The following BICD2 variants were observed in gnomAD, a reference collection of about 807,000 sequenced individuals.
The protein encoded by BICD2 is BICD cargo adaptor 2.
In BICD2, 25 loss-of-function variants were observed where a neutral mutation model predicts 72.9. That is an observed-to-expected ratio of 0.34 (90% CI 0.25 to 0.48). The LOEUF (loss-of-function observed/expected upper bound fraction) is 0.48. Ranked by LOEUF, BICD2 falls within the 20% of genes least tolerant of loss-of-function variation. The pLI, the probability that BICD2 is intolerant of heterozygous loss-of-function variation, is 0.99. For missense variants in BICD2, 894 were observed against 1,175.2 expected (o/e 0.76, Z 3.50); for synonymous variants, 501 against 516.1 (o/e 0.97, Z 0.40).
chr9:92,713,586 C>G lies in BICD2; in HGVS notation c.*1568G>C. On this transcript the variant is annotated 3_prime_UTR_variant, in exon 7 of 7. Coordinates refer to ENST00000356884, the MANE Select transcript of BICD2 (RefSeq NM_001003800.2). ...GTTAGTTGGCAGAAGAGAAGACCTG[C>G]ATGTGTTAGCAGGGGTCCCAGTGGC... is the stretch of plus-strand genomic sequence containing the variant. 2 of 1,537,070 alleles carry G rather than the reference C, an allele frequency of 1.3e-6. No homozygotes were observed. The highest frequency in any genetic ancestry group is 4.9e-5 in the East Asian group (2 of 40,592).
chr9:92,752,334 TA>T (rs75607850), intron 1 of BICD2, among the ~76,000 whole-genome samples: 41,112 of 144,382 alleles, frequency 0.28, 6,632 homozygotes, highest in East Asian at 0.76. Flanking sequence ...GGAAGCACTT[TA>T]AAAAAAAAAA....
At position 92,720,441 on chromosome 9, in the gene BICD2, G is replaced by A; in HGVS notation, c.921C>T (p.Gly307=). 6.2e-7 allele frequency: 1 copy of A among 1,614,196 alleles called. No homozygotes were observed. Among genetic ancestry groups the A allele is most frequent in the South Asian group, 1.1e-5 (1 of 91,088 alleles). The change falls in exon 4 of 7, where the codon GGC becomes GGT. Residue 307 remains glycine (G), a synonymous_variant. Coordinates refer to ENST00000356884, the MANE Select transcript of BICD2 (RefSeq NM_001003800.2). The surrounding 1 kb of genome is among the most constrained non-coding windows in gnomAD (Gnocchi z 5.4). ...TGTTGTCCAGTGGCAGCTTGGCCAG[G>A]CCGCCGTGCTCAAAGCCATTGACCA... is the stretch of plus-strand genomic sequence containing the variant. ...EALVNGFEHG[G]LAKLPLDNKT... is the part of the protein sequence containing the mutation.
chr9:92,723,670 C>A (rs1421857326), intron 2 of BICD2, among the ~76,000 whole-genome samples: 1 of 152,202 alleles, frequency 6.6e-6, no homozygotes, highest in Non-Finnish European at 1.5e-5. Context: ...CTGAGTTGTA[C>A]ACCTTATGTG....
intron 1 of BICD2, among the ~76,000 whole-genome samples, chr9:92,743,181 G>A (rs917836107): frequency 6.6e-6 from 1 of 151,968 alleles, no homozygotes; most frequent in Admixed American, 6.6e-5. Context: ...GTGGATATGA[G>A]ATCTCTTCCC....
In BICD2 at chr9:92,757,312, C is replaced by CAA. The variant is rs1169381290; in HGVS notation, c.240+7191_240+7192dup. 7.3e-3 allele frequency among the ~76,000 whole-genome samples: 383 copies of CAA among 52,704 alleles called. 30 individuals are homozygous for CAA. Among genetic ancestry groups the CAA allele is most frequent in the African/African-American group, 0.032 (349 of 11,062 alleles). 34.6% of individuals were successfully genotyped at this position (52,704 alleles called of 152,430 possible). On this transcript the variant is annotated intron_variant, in intron 1 of 6. Transcript: ENST00000356884. ...CTGGGCGACAGAACGAGACTGTCTCCAAAAAAAAAAAAAAAAAAAAAAAAA... is the reference window on the plus strand; with the variant it reads ...CTGGGCGACAGAACGAGACTGTCTCCAAAAAAAAAAAAAAAAAAAAAAAAAAA...
At chr9:92,715,489 G>C in intron 6 of BICD2, 26 bp from the exon 7 acceptor site, 2 of 1,557,422 alleles carry the variant, frequency 1.3e-6, no homozygotes, top group Non-Finnish European at 1.7e-6. Context: ...ACATGACTGA[G>C]GGGCGGGCAG....
At position 92,742,977 on chromosome 9, in the gene BICD2, T is replaced by A. The variant is rs1435227122; in HGVS notation, c.241-13741A>T. On this transcript the variant is annotated intron_variant, in intron 1 of 6. Coordinates refer to ENST00000356884, the MANE Select transcript of BICD2 (RefSeq NM_001003800.2). ...TTCATCATTTGACAGACACTTGGGT[T>A]GTTTCCACTTTTAGGCTATTATAAG... Among the ~76,000 whole-genome samples the A allele has an allele frequency of 2.3e-4, 35 of 152,254 alleles. 1 individual carries two copies. The highest frequency in any genetic ancestry group is 7.3e-5 in the Non-Finnish European group (5 of 68,054).
intron 2 of BICD2, among the ~76,000 whole-genome samples, chr9:92,724,692 G>T (rs570688325): frequency 2.6e-5 from 4 of 152,190 alleles, no homozygotes; most frequent in Non-Finnish European, 4.4e-5. Context: ...GGCTACACGG[G>T]GGGTGGATAG....
At chr9:92,731,796 G>C (rs1404161196) in intron 1 of BICD2, among the ~76,000 whole-genome samples, 1 of 152,194 alleles carries the variant, frequency 6.6e-6, no homozygotes, top group Non-Finnish European at 1.5e-5. Flanking sequence ...GGACCACTGA[G>C]GGGGCAGAGA....
intron 2 of BICD2, among the ~76,000 whole-genome samples, chr9:92,726,720 G>T (rs906531038): frequency 6.6e-6 from 1 of 152,088 alleles, no homozygotes; most frequent in Non-Finnish European, 1.5e-5. Context: ...ACCAAGGTGG[G>T]GACCCTCAGG....
In BICD2 at chr9:92,719,076, G is replaced by A. The variant is rs1587668828; in HGVS notation, c.1569C>T (p.Ala523=). The A allele has an allele frequency of 6.2e-7, 1 of 1,613,016 alleles. No homozygotes were observed. Among genetic ancestry groups the A allele is most frequent in the Non-Finnish European group, 8.5e-7 (1 of 1,179,966 alleles). The part of the protein sequence containing the change: ...AGETQGSLSV[A]QDELVTFSEE... ...CACTGAAGGTCACCAGCTCATCCTG[G>A]GCCACACTCAGGCTGCCCTGTGTCT... The change falls in exon 5 of 7, where the codon GCC becomes GCT. Residue 523 remains alanine (A), a synonymous_variant. Transcript: ENST00000356884.
chr9:92,753,264 G>A (rs934601833), intron 1 of BICD2, among the ~76,000 whole-genome samples: 1 of 152,184 alleles, frequency 6.6e-6, no homozygotes, highest in Non-Finnish European at 1.5e-5. Flanking sequence ...ACAACTAAAT[G>A]TAATGTGATA....
At position 92,764,523 on chromosome 9, in the gene BICD2, C is replaced by T. The variant is rs138918080; in HGVS notation, c.222G>A (p.Glu74=). The change falls in exon 1 of 7, where the codon GAG becomes GAA. Residue 74 remains glutamate (E), a synonymous_variant. Coordinates refer to ENST00000356884, the MANE Select transcript of BICD2 (RefSeq NM_001003800.2). This position sits in a 1 kb window ranked among gnomAD's most constrained non-coding sequence, Gnocchi z 5.5. ...GGCTCACCTCCTTGAGCTGCTCCAT[C>T]TCGCTGCGGATAGCCTCATAGTCCA... ...LEVDYEAIRS[E]MEQLKEAFGQ... The T allele has an allele frequency of 6.5e-7, 1 of 1,536,428 alleles. No homozygotes were observed. The highest frequency in any genetic ancestry group is 1.4e-5 in the African/African-American group (1 of 71,630).
chr9:92,733,705 T>C (rs992440836), intron 1 of BICD2, among the ~76,000 whole-genome samples: 3 of 152,130 alleles, frequency 2.0e-5, no homozygotes. Flanking sequence ...CGGTGGCTCA[T>C]GCTTGTAATC....
chr9:92,714,910 C>T lies in BICD2; in HGVS notation c.*244G>A. 7.4e-7 allele frequency: 1 copy of T among 1,342,986 alleles called. No individual in the cohort carries two copies. The highest frequency in any genetic ancestry group is 9.5e-7 in the Non-Finnish European group (1 of 1,049,342). The allele number at this position is 1,342,986 out of a possible 1,614,324, so 83.2% of individuals were successfully genotyped here. A position where few individuals can be genotyped will look rare whatever the true frequency, so the allele number is the denominator to read the frequency against. ...GCAAGAATGTGCAGCTCTATCCCCACCTCTGACCCCCACCTAAGAGAGCAG... is the reference window on the plus strand; with the variant it reads ...GCAAGAATGTGCAGCTCTATCCCCATCTCTGACCCCCACCTAAGAGAGCAG... On this transcript the variant is annotated 3_prime_UTR_variant, in exon 7 of 7. Transcript: ENST00000356884.
At chr9:92,739,481 A>G (rs575421022) in intron 1 of BICD2, among the ~76,000 whole-genome samples, 144 of 152,354 alleles carry the variant, frequency 9.5e-4, no homozygotes, top group Non-Finnish European at 1.7e-3. Context: ...CACAGTGAGG[A>G]GCCCGTGAAG....
At chr9:92,751,419 C>T (rs1315788228) in intron 1 of BICD2, among the ~76,000 whole-genome samples, 1 of 152,084 alleles carries the variant, frequency 6.6e-6, no homozygotes, top group African/African-American at 2.4e-5. Context: ...GCTAGGATTA[C>T]AGGTGTGAGC....
intron 1 of BICD2, among the ~76,000 whole-genome samples, chr9:92,757,833 G>A (rs1234656842): frequency 1.3e-5 from 2 of 152,240 alleles, no homozygotes; most frequent in South Asian, 2.1e-4. Context: ...TGCAGGGCAG[G>A]AGCATACATG....
rs748921807 is a variant in BICD2 at position 92,719,111 on chromosome 9, C to T, written c.1534G>A (p.Val512Ile). ...AGGCTGCCCTGTGTCTCGCCGGCGA[C>T]GTCGCTCACCTTCTTTAGCTCCTTC... is the stretch of plus-strand genomic sequence containing the variant. ...LEKELKKVSD[V>I]AGETQGSLSV... Residue 512 changes from valine (V) to isoleucine (I), a missense_variant, in exon 5 of 7, where the codon GTC becomes ATC. Physicochemically the swap from Val to Ile is conservative, Grantham distance 29. This residue lies in a region of BICD2 where 371 missense variants were observed against 439.1 expected (regional missense o/e 0.84). Transcript: ENST00000356884. 46 of 1,612,594 alleles carry T rather than the reference C, an allele frequency of 2.9e-5. No homozygotes were observed. The highest frequency in any genetic ancestry group is 1.8e-4 in the South Asian group (16 of 91,092).
Sources: allele counts gnomAD v4.1 joint callset (sites outside exome capture counted in the v4.1 genomes callset), GRCh38; gene constraint gnomAD v4.1.1; regional missense constraint gnomAD v4.1.1; non-coding constraint Gnocchi (gnomAD v3.1); transcripts MANE v1.5; gene names NCBI Gene and HGNC (gene_info 2026-07-23, HGNC 2026-07-21).